Variants in AKT3 observed in about 807,000 individuals in gnomAD.
AKT3 encodes the protein AKT serine/threonine kinase 3, also known as RAC-gamma serine/threonine-protein kinase.
Under a neutral mutation model 65.3 loss-of-function variants are expected in AKT3, and 15 were observed. The observed-to-expected ratio is 0.23, with a 90% confidence interval of 0.15 to 0.35. AKT3 has a LOEUF of 0.35. Among genes scored for constraint, AKT3 ranks in the 10% least tolerant of loss-of-function variants. The pLI is 1.00. For missense variants in AKT3, 243 were observed against 576.5 expected, an observed-to-expected ratio of 0.42 and a Z score of 5.92; for synonymous variants, 206 against 183.8, an observed-to-expected ratio of 1.12 and a Z score of -0.98.
chr1:243,850,860 T>A (rs1432414415), upstream of AKT3, among the ~76,000 whole-genome samples: 1 of 151,906 alleles, frequency 6.6e-6, no homozygotes, highest in Admixed American at 6.6e-5. Flanking sequence ...AAGTTCTGGG[T>A]TTCCCCCTCG....
intron 2 of AKT3, among the ~76,000 whole-genome samples, chr1:243,702,109 CAAAAAAAAAA>C (rs148524776): frequency 8.0e-6 from 1 of 124,584 alleles, no homozygotes; most frequent in African/African-American, 3.0e-5. Flanking sequence ...AGAATTTATG[CAAAAAAAAAA>C]AAAAAAAAGC....
At chr1:243,608,023 T>C (rs1300382124) in intron 8 of AKT3, among the ~76,000 whole-genome samples, 1 of 152,188 alleles carries the variant, frequency 6.6e-6, no homozygotes, top group Non-Finnish European at 1.5e-5. Context: ...CAATTAAACC[T>C]CTTTCCTTTA....
chr1:243,575,354 C>G (rs953570626), intron 8 of AKT3, among the ~76,000 whole-genome samples: 6 of 152,134 alleles, frequency 3.9e-5, no homozygotes, highest in Admixed American at 3.3e-4. Context: ...CTGCTGGGCA[C>G]TGGAGAAGAG....
intron 2 of AKT3, among the ~76,000 whole-genome samples, chr1:243,805,385 G>A (rs1034001214): frequency 9.9e-5 from 15 of 151,904 alleles, no homozygotes; most frequent in Admixed American, 4.6e-4. Context: ...ACACTAGCAC[G>A]TTCCCCTCTG....
intron 12 of AKT3, among the ~76,000 whole-genome samples, chr1:243,528,969 T>G (rs1671337942): frequency 6.6e-6 from 1 of 152,156 alleles, no homozygotes; most frequent in Non-Finnish European, 1.5e-5. Context: ...CATCTGTTAT[T>G]TTTTGACTTT....
chr1:243,507,801 C>T (rs1016327952), intron 13 of AKT3, among the ~76,000 whole-genome samples: 1 of 152,122 alleles, frequency 6.6e-6, no homozygotes, highest in African/African-American at 2.4e-5. Flanking sequence ...TAAAAGCGAC[C>T]AGATCTCAAA....
At chr1:243,797,013 A>G (rs1025520235) in intron 2 of AKT3, among the ~76,000 whole-genome samples, 6 of 152,162 alleles carry the variant, frequency 3.9e-5, no homozygotes, top group Non-Finnish European at 8.8e-5. Flanking sequence ...GCAGAGTTTC[A>G]GTTTCACAAC....
At chr1:243,534,105 A>T (rs542362216) in intron 12 of AKT3, among the ~76,000 whole-genome samples, 12 of 152,216 alleles carry the variant, frequency 7.9e-5, no homozygotes, top group South Asian at 2.1e-4. Context: ...CAGAGTAGAT[A>T]AAAAAAACAA....
At chr1:243,703,668 G>A (rs1003184780) in intron 2 of AKT3, among the ~76,000 whole-genome samples, 2 of 149,876 alleles carry the variant, frequency 1.3e-5, no homozygotes, top group African/African-American at 4.9e-5. Context: ...GCTGAGGCAG[G>A]AGAATTGTTT....
chr1:243,505,545 G>T (rs1204713574), intron 13 of AKT3, among the ~76,000 whole-genome samples: 3 of 152,056 alleles, frequency 2.0e-5, no homozygotes, highest in Non-Finnish European at 2.9e-5. Flanking sequence ...TAATACTATA[G>T]AATCATCTCT....
At chr1:243,575,815 G>C (rs925172268) in intron 8 of AKT3, among the ~76,000 whole-genome samples, 3 of 152,078 alleles carry the variant, frequency 2.0e-5, no homozygotes, top group Non-Finnish European at 2.9e-5. Context: ...GCCTAGGACA[G>C]TACCTGCACA....
chr1:243,567,444 C>T lies in AKT3; in HGVS notation c.820-3596G>A, dbSNP rs118032457. Among the ~76,000 whole-genome samples, 450 of 151,268 alleles carry T rather than the reference C, an allele frequency of 3.0e-3. 14 individuals are homozygous for T. The East Asian group carries it at 0.071, about 24-fold the overall frequency. ...CACCTCAGCCTCCTAAGTACACAGGCGCACACCACTACCACGCCCTGCTAG... is the reference window on the plus strand; with the variant it reads ...CACCTCAGCCTCCTAAGTACACAGGTGCACACCACTACCACGCCCTGCTAG... On this transcript the variant is annotated intron_variant, in intron 9 of 13. Coordinates refer to ENST00000673466, the MANE Select transcript of AKT3 (RefSeq NM_005465.7).
At chr1:243,646,627 T>C (rs968686627) in intron 4 of AKT3, among the ~76,000 whole-genome samples, 1 of 152,148 alleles carries the variant, frequency 6.6e-6, no homozygotes, top group African/African-American at 2.4e-5. Flanking sequence ...AGTGCTGGGA[T>C]TACAGCCATG....
At chr1:243,550,789 C>CAAAAAAAAAAAAAAAAAAAAAA in intron 11 of AKT3, among the ~76,000 whole-genome samples, 1 of 33,682 alleles carries the variant, frequency 3.0e-5, no homozygotes, top group Non-Finnish European at 5.0e-5. Context: ...ACTAAAATAC[C>CAAAAAAAAAAAAAAAAAAAAAA]AAAAAAAAAA....
At chr1:243,610,816 G>A (rs1276823250) in intron 8 of AKT3, among the ~76,000 whole-genome samples, 1 of 152,164 alleles carries the variant, frequency 6.6e-6, no homozygotes, top group Non-Finnish European at 1.5e-5. Flanking sequence ...CACAACAGAA[G>A]TATGCTTTAT....
chr1:243,628,015 T>C (rs891784658), intron 6 of AKT3, among the ~76,000 whole-genome samples: 8 of 152,174 alleles, frequency 5.3e-5, no homozygotes, highest in Non-Finnish European at 8.8e-5. Flanking sequence ...CTGGAGCTTA[T>C]GGCAAAAAGC....
At chr1:243,773,373 C>T (rs796516366) in intron 2 of AKT3, among the ~76,000 whole-genome samples, 27 of 151,976 alleles carry the variant, frequency 1.8e-4, no homozygotes, top group African/African-American at 5.3e-4. Flanking sequence ...TAAAAGTAGA[C>T]GCTTTGAAAT....
intron 2 of AKT3, among the ~76,000 whole-genome samples, chr1:243,797,866 A>G (rs575893726): frequency 6.7e-6 from 1 of 149,586 alleles, no homozygotes; most frequent in African/African-American, 2.4e-5. Flanking sequence ...TAACAAAAAA[A>G]AAAACCAAAA....
chr1:243,819,280 G>A (rs927618002), intron 2 of AKT3, among the ~76,000 whole-genome samples: 1 of 152,234 alleles, frequency 6.6e-6, no homozygotes, highest in Non-Finnish European at 1.5e-5. Context: ...CAGCACTGTA[G>A]CTCCAGTTGG....
Sources: gnomAD v4.1 joint callset for allele counts (sites outside exome capture counted in the v4.1 genomes callset) on GRCh38, gnomAD v4.1.1 for gene constraint, MANE v1.5 for transcripts, NCBI Gene and HGNC (gene_info 2026-07-23, HGNC 2026-07-21) for gene names.